PTPRM: variants seen among roughly 807,000 people sequenced by gnomAD.
The protein encoded by PTPRM is receptor-type tyrosine-protein phosphatase mu.
PTPRM carries 47 observed loss-of-function variants against 186.7 expected under a neutral mutation model. The ratio of observed to expected loss-of-function variants is 0.25; its 90% CI spans 0.20 to 0.32. The LOEUF is 0.32. Among genes scored for constraint, PTPRM ranks in the 10% least tolerant of loss-of-function variants. The pLI, the probability that PTPRM is intolerant of heterozygous loss-of-function variation, is 1.00. For missense variants in PTPRM, 1,494 were observed against 1,865.0 expected (o/e 0.80, Z 3.66); for synonymous variants, 668 against 674.9 (o/e 0.99, Z 0.16).
intron 10 of PTPRM, among the ~76,000 whole-genome samples, chr18:8,087,223 A>T (rs544629438): frequency 6.6e-6 from 1 of 152,202 alleles, no homozygotes; most frequent in South Asian, 2.1e-4. Flanking sequence ...GTTTTAAGAA[A>T]TTTTTCCCAT....
At chr18:7,952,153 GTTAAA>G (rs2053006848) in intron 6 of PTPRM, among the ~76,000 whole-genome samples, 1 of 152,122 alleles carries the variant, frequency 6.6e-6, no homozygotes, top group Non-Finnish European at 1.5e-5. Context: ...ATTTCATACA[GTTAAA>G]TATGATACTG....
intron 1 of PTPRM, among the ~76,000 whole-genome samples, chr18:7,723,327 T>A (rs2040484654): frequency 6.6e-6 from 1 of 152,212 alleles, no homozygotes; most frequent in Admixed American, 6.5e-5. Context: ...AAATAATAAT[T>A]ACATTCAAGC....
At chr18:8,394,650 A>C (rs192088413) in intron 32 of PTPRM, 39 bp downstream of exon 32, 780 of 1,540,122 alleles carry the variant, frequency 5.1e-4, no homozygotes, top group Non-Finnish European at 6.4e-4. Flanking sequence ...GAGACACCCC[A>C]TTAGCATTAG....
intron 7 of PTPRM, among the ~76,000 whole-genome samples, chr18:8,028,524 G>A (rs1038610414): frequency 2.0e-5 from 3 of 152,228 alleles, no homozygotes; most frequent in Non-Finnish European, 4.4e-5. Flanking sequence ...TAATTCATGG[G>A]CATTTTCAAT....
At chr18:7,804,145 GCATTGACTTCAT>G (rs1209113037) in intron 2 of PTPRM, among the ~76,000 whole-genome samples, 2 of 152,166 alleles carry the variant, frequency 1.3e-5, no homozygotes, top group Non-Finnish European at 2.9e-5. Flanking sequence ...GCTCTCCTCT[GCATTGACTTCAT>G]CATCGGTTGG....
Position 8,209,500 on chromosome 18 carries a change from G to A in PTPRM, c.2301-34558G>A, listed in dbSNP as rs144408956. On this transcript the variant is annotated intron_variant, in intron 14 of 32. Transcript: ENST00000580170. ...GGAAAATGAGGTCCGGGTGGGAGAT[G>A]AGGAGAAATTAAGAAGTCGGGATTT... Among the ~76,000 whole-genome samples, 6 of 152,278 alleles carry A rather than the reference G, an allele frequency of 3.9e-5. No individual in the cohort carries two copies. In the East Asian group the frequency reaches 1.2e-3, roughly 29 times the overall value.
chr18:8,378,481 C>A, intron 27 of PTPRM, 67 bp downstream of exon 27: 1 of 1,552,140 alleles, frequency 6.4e-7, no homozygotes, highest in Non-Finnish European at 8.8e-7. Flanking sequence ...TCAAGGTCAG[C>A]ACCTGAGTGA....
intron 7 of PTPRM, among the ~76,000 whole-genome samples, chr18:8,026,971 TAAAC>T (rs759830755): frequency 1.1e-4 from 16 of 152,352 alleles, no homozygotes; most frequent in South Asian, 4.1e-4. Flanking sequence ...GATATATTCA[TAAAC>T]AAACCATTTC....
intron 2 of PTPRM, among the ~76,000 whole-genome samples, chr18:7,799,340 C>A (rs1312039899): frequency 6.6e-6 from 1 of 152,168 alleles, no homozygotes; most frequent in African/African-American, 2.4e-5. Context: ...TGCCCCCCTT[C>A]TTCATACTAT....
chr18:8,258,344 G>T (rs146038767), intron 19 of PTPRM, among the ~76,000 whole-genome samples: 1 of 152,092 alleles, frequency 6.6e-6, no homozygotes, highest in South Asian at 2.1e-4. Context: ...CCTGCCCCAC[G>T]CAGACTTCTG....
chr18:8,158,916 A>G (rs2093175599), intron 14 of PTPRM, among the ~76,000 whole-genome samples: 1 of 152,180 alleles, frequency 6.6e-6, no homozygotes, highest in Non-Finnish European at 1.5e-5. Flanking sequence ...AAAGGGATCC[A>G]TCCCTACCAT....
intron 22 of PTPRM, among the ~76,000 whole-genome samples, chr18:8,333,482 G>A (rs1195704746): frequency 6.6e-6 from 1 of 152,076 alleles, no homozygotes; most frequent in Admixed American, 6.5e-5. Flanking sequence ...TAAGTGTTAT[G>A]GAAGCATCAT....
chr18:7,569,426 A>G (rs796528128), intron 1 of PTPRM, among the ~76,000 whole-genome samples: 16 of 152,242 alleles, frequency 1.1e-4, no homozygotes. Flanking sequence ...ACAATGATGC[A>G]CTGTCGTCTG....
intron 2 of PTPRM, among the ~76,000 whole-genome samples, chr18:7,775,204 C>T (rs1046493869): frequency 6.6e-6 from 1 of 152,064 alleles, no homozygotes; most frequent in Non-Finnish European, 1.5e-5. Flanking sequence ...GTGTTCCTGC[C>T]CTCTCCTTCC....
chr18:7,892,696 G>A (rs889461275), intron 3 of PTPRM, among the ~76,000 whole-genome samples: 5 of 152,116 alleles, frequency 3.3e-5, no homozygotes, highest in Non-Finnish European at 7.4e-5. Flanking sequence ...AGGACTGTAC[G>A]GCTTAAACAA....
intron 2 of PTPRM, among the ~76,000 whole-genome samples, chr18:7,842,798 G>A (rs1246923863): frequency 7.0e-6 from 1 of 143,588 alleles, no homozygotes; most frequent in African/African-American, 2.6e-5. Context: ...CTGTACATAT[G>A]TTTATGTGTG....
intron 2 of PTPRM, among the ~76,000 whole-genome samples, chr18:7,834,918 C>T (rs1450724015): frequency 6.7e-6 from 1 of 149,006 alleles, no homozygotes; most frequent in East Asian, 2.0e-4. Context: ...ATAATAGCCA[C>T]TAATGGTTTT....
chr18:7,604,198 A>G (rs1321840147), intron 1 of PTPRM, among the ~76,000 whole-genome samples: 1 of 152,114 alleles, frequency 6.6e-6, no homozygotes, highest in African/African-American at 2.4e-5. Context: ...AGTTGTTCCA[A>G]TTCTTTTCAT....
chr18:7,587,234 T>A (rs943167590), intron 1 of PTPRM, among the ~76,000 whole-genome samples: 1 of 152,192 alleles, frequency 6.6e-6, no homozygotes, highest in Non-Finnish European at 1.5e-5. Flanking sequence ...GATGAAATAG[T>A]TCATTTATCT....
Sources: gnomAD v4.1 joint callset for allele counts (sites outside exome capture counted in the v4.1 genomes callset) on GRCh38, gnomAD v4.1.1 for gene constraint, MANE v1.5 for transcripts, NCBI Gene and HGNC (gene_info 2026-07-23, HGNC 2026-07-21) for gene names.